The following CWC22 variants were observed in gnomAD, a reference collection of about 807,000 sequenced individuals.
The protein encoded by CWC22 is CWC22 spliceosome associated protein, also known as pre-mRNA-splicing factor CWC22 homolog.
In CWC22, 53 loss-of-function variants were observed where a neutral mutation model predicts 117.2. That is an observed-to-expected ratio of 0.45 (90% CI 0.36 to 0.57). CWC22 has a LOEUF of 0.57. Ranked by LOEUF, CWC22 falls within the 20% of genes least tolerant of loss-of-function variation. The pLI is 0.00. For missense variants in CWC22, 980 were observed against 1,068.8 expected (o/e 0.92, Z 1.16); for synonymous variants, 360 against 355.6 (o/e 1.01, Z -0.14).
intron 4 of CWC22, among the ~76,000 whole-genome samples, chr2:179,985,886 T>C (rs2105546211): frequency 6.6e-6 from 1 of 152,126 alleles, no homozygotes; most frequent in South Asian, 2.1e-4. Context: ...TAGAACACAT[T>C]CCCCATGGAT....
intron 11 of CWC22, 133 bp downstream of exon 11, chr2:179,970,368 A>G (rs1575646923): frequency 1.0e-6 from 1 of 982,682 alleles, no homozygotes; most frequent in East Asian, 2.8e-5. Flanking sequence ...CCGAGGAAAC[A>G]GCTAAGAGAA....
In CWC22 at chr2:179,945,249, A is replaced by T; in HGVS notation, c.2607T>A (p.Asp869Glu). The change falls in exon 20 of 20, where the codon GAT (aspartate) becomes GAA (glutamate). Residue 869 changes from aspartate (D) to glutamate (E), a missense_variant. Around this residue, in one of 3 missense-constraint regions of CWC22, gnomAD observed 306 missense variants for 296.8 expected, o/e 1.03. Transcript: ENST00000410053. ...RKHSGSRSDE[D>E]RYQNGAERRW... ...GTCTCTCGGCACCATTTTGATATCT[A>T]TCTTCATCACTTCTTGAGCCTGAGT... 6.2e-7 allele frequency: 1 copy of T among 1,613,576 alleles called. No homozygotes were observed. The highest frequency in any genetic ancestry group is 8.5e-7 in the Non-Finnish European group (1 of 1,179,726).
At chr2:180,003,028 T>C (rs761616479) in intron 1 of CWC22, among the ~76,000 whole-genome samples, 8 of 152,188 alleles carry the variant, frequency 5.3e-5, no homozygotes, top group Non-Finnish European at 1.0e-4. Context: ...ACGGGGAGTG[T>C]AGATTTCTGC....
intron 14 of CWC22, 116 bp downstream of exon 14, chr2:179,958,906 A>G: frequency 1.7e-6 from 1 of 574,460 alleles, no homozygotes; most frequent in Non-Finnish European, 3.2e-6. Context: ...CCTACATTAA[A>G]AAATAAATAT....
At chr2:179,951,467 T>C (rs1162663703) in intron 17 of CWC22, among the ~76,000 whole-genome samples, 2 of 151,960 alleles carry the variant, frequency 1.3e-5, no homozygotes, top group East Asian at 3.9e-4. Flanking sequence ...TTTTGGACAT[T>C]TGGTTTTCAG....
In CWC22 at chr2:179,945,571, C is replaced by T. The variant is rs764562642; in HGVS notation, c.2285G>A (p.Arg762Lys). ...GHQETRTERE[R>K]RSEKHRDQNS... is the part of the protein sequence containing the mutation. The stretch of plus-strand genomic sequence containing the variant: ...TTGATCTCTGTGTTTTTCTGACCTT[C>T]TTTCTCTCTCAGTCCTTGTTTCCTG... Residue 762 changes from arginine (R) to lysine (K), a missense_variant, in exon 20 of 20, where the codon AGA becomes AAA. Coordinates refer to ENST00000410053, the MANE Select transcript of CWC22 (RefSeq NM_020943.3). 13 of 1,613,062 alleles carry T rather than the reference C, an allele frequency of 8.1e-6. No individual in the cohort carries two copies. Among genetic ancestry groups the T allele is most frequent in the Admixed American group, 5.0e-5 (3 of 59,970 alleles).
chr2:179,990,602 G>A (rs1197274613), intron 2 of CWC22, among the ~76,000 whole-genome samples: 1 of 151,948 alleles, frequency 6.6e-6, no homozygotes, highest in African/African-American at 2.4e-5. Flanking sequence ...GGGGCAGGGA[G>A]AGGAGAGAGG....
At position 179,981,757 on chromosome 2, in the gene CWC22, T is replaced by G; in HGVS notation, c.447A>C (p.Lys149Asn). ...LRMMQEQITD[K>N]NSLAYQRMSW... Reference sequence around the variant, plus strand: ...ACTGATTGATATAAACATGCCTGTTTTTATCTGTAATCTGTTCCTGCATCA... The same window carrying G: ...ACTGATTGATATAAACATGCCTGTTGTTATCTGTAATCTGTTCCTGCATCA... Residue 149 changes from lysine (K) to asparagine (N), a missense_variant, in exon 5 of 20, where the codon AAA (lysine) becomes AAC (asparagine). By Grantham distance (94) the Lys-to-Asn change is moderately conservative. Around this residue, in one of 3 missense-constraint regions of CWC22, gnomAD observed 559 missense variants for 602.3 expected, o/e 0.93. Coordinates refer to ENST00000410053, the MANE Select transcript of CWC22 (RefSeq NM_020943.3). 1.2e-6 allele frequency: 2 copies of G among 1,613,082 alleles called. No homozygotes were observed. The highest frequency in any genetic ancestry group is 1.7e-6 in the Non-Finnish European group (2 of 1,179,288).
At chr2:179,945,757 C>T (rs762216615) in intron 19 of CWC22, 42 bp from the exon 20 acceptor site, 13 of 1,202,256 alleles carry the variant, frequency 1.1e-5, no homozygotes, top group Admixed American at 2.5e-5. Context: ...TTATTTCAAT[C>T]TTAATTTCAT....
intron 6 of CWC22, among the ~76,000 whole-genome samples, chr2:179,976,385 C>G (rs181605960): frequency 6.6e-6 from 1 of 152,202 alleles, no homozygotes; most frequent in Admixed American, 6.5e-5. Flanking sequence ...CCCTAAAGCA[C>G]AGGCAACAAA....
chr2:179,955,316 A>C (rs1424411291), intron 14 of CWC22, among the ~76,000 whole-genome samples: 1 of 151,988 alleles, frequency 6.6e-6, no homozygotes, highest in Admixed American at 6.6e-5. Context: ...CTAGTATAGG[A>C]AACAGACATA....
At chr2:179,998,754 T>C (rs143329843) in intron 1 of CWC22, among the ~76,000 whole-genome samples, 1 of 152,258 alleles carries the variant, frequency 6.6e-6, no homozygotes, top group Non-Finnish European at 1.5e-5. Flanking sequence ...TTTTATTTAA[T>C]TTAGCATACC....
chr2:179,995,645 G>A (rs1178451585), intron 1 of CWC22, among the ~76,000 whole-genome samples: 1 of 152,108 alleles, frequency 6.6e-6, no homozygotes, highest in Admixed American at 6.6e-5. Flanking sequence ...CCTTTCACAG[G>A]TAACAACCAT....
intron 19 of CWC22, 70 bp from the exon 20 acceptor site, chr2:179,945,785 T>C: frequency 2.1e-6 from 2 of 970,230 alleles, no homozygotes; most frequent in Non-Finnish European, 3.0e-6. Context: ...ACAATCACAT[T>C]TACTGATACA....
In CWC22 at chr2:179,945,640, G is replaced by A; in HGVS notation, c.2216C>T (p.Thr739Ile). ...TCTTTCTTTTTGTTTCCTATCATTT[G>A]TTTGCTGGTTTCTGATCAATTTATC... ...EVDKLIRNQQ[T>I]NDRKQKERRQ... The change falls in exon 20 of 20, where the codon ACA becomes ATA. Residue 739 changes from threonine to isoleucine, a missense_variant. Thr to Ile is a moderately conservative substitution (Grantham distance 89). Transcript: ENST00000410053. 6.2e-7 allele frequency: 1 copy of A among 1,611,982 alleles called. No homozygotes were observed. Among genetic ancestry groups the A allele is most frequent in the Non-Finnish European group, 8.5e-7 (1 of 1,179,460 alleles).
intron 1 of CWC22, among the ~76,000 whole-genome samples, chr2:179,999,649 G>A (rs997107946): frequency 6.6e-6 from 1 of 152,146 alleles, no homozygotes; most frequent in African/African-American, 2.4e-5. Flanking sequence ...TCACTTCGGT[G>A]TTCTCAGTCC....
At chr2:179,971,162 C>T in intron 8 of CWC22, 86 bp from the exon 9 acceptor site, 2 of 972,088 alleles carry the variant, frequency 2.1e-6, no homozygotes, top group East Asian at 5.5e-5. Context: ...ATTAGTAAAT[C>T]TGTTTACAAT....
intron 7 of CWC22, 114 bp from the exon 8 acceptor site, chr2:179,973,360 T>C (rs187656365): frequency 1.4e-6 from 1 of 730,494 alleles, no homozygotes. Flanking sequence ...ACAAGTATAA[T>C]TTTTACATTA....
intron 13 of CWC22, among the ~76,000 whole-genome samples, chr2:179,964,062 G>C (rs1686827538): frequency 6.6e-6 from 1 of 152,150 alleles, no homozygotes; most frequent in Non-Finnish European, 1.5e-5. Flanking sequence ...ACTTCAAAGA[G>C]TCCTCAAAAT....
Sources: allele counts gnomAD v4.1 joint callset (sites outside exome capture counted in the v4.1 genomes callset), GRCh38; gene constraint gnomAD v4.1.1; regional missense constraint gnomAD v4.1.1; transcripts MANE v1.5; gene names NCBI Gene and HGNC (gene_info 2026-07-23, HGNC 2026-07-21).